C14orf132: variants seen among roughly 807,000 people sequenced by gnomAD.
C14orf132 encodes the protein uncharacterized protein C14orf132.
C14orf132 carries 6 observed loss-of-function variants against 5.8 expected under a neutral mutation model. The ratio of observed to expected loss-of-function variants is 1.03; its 90% CI spans 0.57 to 2.04. The LOEUF (loss-of-function observed/expected upper bound fraction) is 2.04. Among genes scored for constraint, C14orf132 ranks in the 30% most tolerant of loss-of-function variants. The pLI, the probability that C14orf132 is intolerant of heterozygous loss-of-function variation, is 0.00. For missense variants in C14orf132, 125 were observed against 115.8 expected, an observed-to-expected ratio of 1.08 and a Z score of -0.37; for synonymous variants, 51 against 49.8, an observed-to-expected ratio of 1.02 and a Z score of -0.10.
chr14:96,048,121 G>A (rs1477899045), intron 1 of C14orf132, among the ~76,000 whole-genome samples: 1 of 152,206 alleles, frequency 6.6e-6, no homozygotes, highest in African/African-American at 2.4e-5. Flanking sequence ...CTGGGAGGCA[G>A]AGGTTGCATT....
intron 1 of C14orf132, among the ~76,000 whole-genome samples, chr14:96,049,653 T>TATATAG (rs371381526): frequency 0.031 from 2,525 of 82,266 alleles, 399 homozygotes; most frequent in Middle Eastern, 0.061. Flanking sequence ...TATATATATA[T>TATATAG]AGAGAGAGAG....
intron 1 of C14orf132, among the ~76,000 whole-genome samples, chr14:96,071,673 C>T (rs934995369): frequency 6.6e-6 from 1 of 152,200 alleles, no homozygotes; most frequent in African/African-American, 2.4e-5. Flanking sequence ...GTGGACCTAG[C>T]CTGTTGCCAC....
chr14:96,078,752 A>G (rs1269275618), intron 1 of C14orf132, among the ~76,000 whole-genome samples: 1 of 152,120 alleles, frequency 6.6e-6, no homozygotes, highest in East Asian at 1.9e-4. Context: ...CCATCCCTTC[A>G]GGAGGACCTG....
intron 1 of C14orf132, among the ~76,000 whole-genome samples, chr14:96,043,486 G>A (rs1197132705): frequency 6.6e-6 from 1 of 152,118 alleles, no homozygotes; most frequent in Non-Finnish European, 1.5e-5. Context: ...GCACTGTCCC[G>A]TCCCTGCAGT....
chr14:96,062,649 G>T (rs78226450), intron 1 of C14orf132, among the ~76,000 whole-genome samples: 1 of 152,186 alleles, frequency 6.6e-6, no homozygotes, highest in African/African-American at 2.4e-5. Flanking sequence ...TCACATCCTC[G>T]CAATTCCACC....
chr14:96,039,886 C>G lies in C14orf132; in HGVS notation c.27+359C>G, dbSNP rs551826668. Among the ~76,000 whole-genome samples the G allele has an allele frequency of 1.1e-4, 16 of 152,258 alleles. No individual in the cohort carries two copies. The South Asian group carries it at 2.5e-3, about 24-fold the overall frequency. ...CCGGAGCCCTCCAAGGCCGGGCCAG[C>G]TCAGACCCGCGCGAACGTGGATGGG... On this transcript the variant is annotated intron_variant, in intron 1 of 1. Transcript: ENST00000555004. The surrounding 1 kb of genome is among the most constrained non-coding windows in gnomAD (Gnocchi z 5.3).
At chr14:96,082,870 A>G (rs1027561174) in intron 1 of C14orf132, among the ~76,000 whole-genome samples, 44 of 152,318 alleles carry the variant, frequency 2.9e-4, no homozygotes, top group African/African-American at 1.0e-3. Flanking sequence ...CGCTGGTTGG[A>G]CTGCATTCTC....
chr14:96,046,392 C>T (rs1886832138), intron 1 of C14orf132, among the ~76,000 whole-genome samples: 2 of 152,176 alleles, frequency 1.3e-5, no homozygotes, highest in African/African-American at 4.8e-5. Flanking sequence ...GTGTGTAGAG[C>T]TTGGCAAAAC....
rs1260502759 is a variant in C14orf132, at chr14:96,092,665, T to A, written c.*5930T>A. On this transcript the variant is annotated 3_prime_UTR_variant, in exon 2 of 2. Coordinates refer to ENST00000555004, the MANE Select transcript of C14orf132 (RefSeq NM_001252507.3). ...AGAAGGGAGCTTCCAACCTTTTAACTTGAGGAAAATGAATCTCTGAGAGGC... is the reference window on the plus strand; with the variant it reads ...AGAAGGGAGCTTCCAACCTTTTAACATGAGGAAAATGAATCTCTGAGAGGC... 6.6e-6 allele frequency: 1 copy of A among 152,202 alleles called. No homozygotes were observed. The highest frequency in any genetic ancestry group is 2.4e-5 in the African/African-American group (1 of 41,450). The allele number at this position is 152,202 out of a possible 1,614,324, so 9.4% of individuals were successfully genotyped here.
intron 1 of C14orf132, among the ~76,000 whole-genome samples, chr14:96,076,589 TACACTA>T: frequency 6.6e-6 from 1 of 151,360 alleles, no homozygotes; most frequent in Non-Finnish European, 1.5e-5. Flanking sequence ...ACACATGAAA[TACACTA>T]ACACTAATGA....
chr14:96,064,648 G>T (rs1325727169), intron 1 of C14orf132, among the ~76,000 whole-genome samples: 35 of 151,790 alleles, frequency 2.3e-4, no homozygotes, highest in Admixed American at 2.3e-3. Flanking sequence ...GCACAAGAAT[G>T]ATACAATGGA....
In C14orf132 at chr14:96,048,526, T is replaced by C. The variant is rs963511695; in HGVS notation, c.27+8999T>C. ...TTTCTATTTTATTTTTTATTTTTATTTATTTTTTATATTTTTGAGATGGAG... is the reference window on the plus strand; with the variant it reads ...TTTCTATTTTATTTTTTATTTTTATCTATTTTTTATATTTTTGAGATGGAG... On this transcript the variant is annotated intron_variant, in intron 1 of 1. Transcript: ENST00000555004. 7.9e-5 allele frequency among the ~76,000 whole-genome samples: 12 copies of C among 152,300 alleles called. 1 individual carries two copies. Among genetic ancestry groups the C allele is most frequent in the East Asian group, 3.9e-4 (2 of 5,186 alleles).
At position 96,039,902 on chromosome 14, in the gene C14orf132, C is replaced by T. The variant is rs888821481; in HGVS notation, c.27+375C>T. 3.3e-5 allele frequency among the ~76,000 whole-genome samples: 5 copies of T among 152,218 alleles called. No homozygotes were observed. The highest frequency in any genetic ancestry group is 4.1e-4 in the South Asian group (2 of 4,826). On this transcript the variant is annotated intron_variant, in intron 1 of 1. Transcript: ENST00000555004. This position sits in a 1 kb window ranked among gnomAD's most constrained non-coding sequence, Gnocchi z 5.3. ...CCGGGCCAGCTCAGACCCGCGCGAACGTGGATGGGCACACAGTCTCGCCCT... is the reference window on the plus strand; with the variant it reads ...CCGGGCCAGCTCAGACCCGCGCGAATGTGGATGGGCACACAGTCTCGCCCT...
intron 1 of C14orf132, among the ~76,000 whole-genome samples, chr14:96,074,866 G>T (rs201361831): frequency 1.3e-5 from 2 of 150,408 alleles, no homozygotes; most frequent in African/African-American, 2.4e-5. Context: ...CACCAAATTT[G>T]TTTTCTTTTT....
chr14:96,045,091 G>A (rs1886796490), intron 1 of C14orf132, among the ~76,000 whole-genome samples: 1 of 152,134 alleles, frequency 6.6e-6, no homozygotes, highest in Admixed American at 6.5e-5. Context: ...TGTGAAATGG[G>A]GACAAAACTG....
intron 1 of C14orf132, among the ~76,000 whole-genome samples, chr14:96,083,699 A>C (rs1306282182): frequency 2.6e-5 from 4 of 152,234 alleles, no homozygotes; most frequent in Non-Finnish European, 2.9e-5. Context: ...CTCCAGAAGG[A>C]GTGCAGCTCT....
chr14:96,068,269 C>A (rs1357467530), intron 1 of C14orf132, among the ~76,000 whole-genome samples: 4 of 152,172 alleles, frequency 2.6e-5, no homozygotes. Context: ...GATTTGGAGG[C>A]CAGTTCTCTG....
At chr14:96,084,070 A>G (rs2139682714) in intron 1 of C14orf132, among the ~76,000 whole-genome samples, 1 of 152,324 alleles carries the variant, frequency 6.6e-6, no homozygotes, top group African/African-American at 2.4e-5. Context: ...TACTCATCTC[A>G]TTCACATTTG....
intron 1 of C14orf132, among the ~76,000 whole-genome samples, chr14:96,079,385 T>C (rs143329519): frequency 2.0e-5 from 3 of 152,352 alleles, no homozygotes; most frequent in African/African-American, 7.2e-5. Flanking sequence ...CCAACCTGTG[T>C]TGCCTCTTTC....
Sources: gnomAD v4.1 joint callset for allele counts (sites outside exome capture counted in the v4.1 genomes callset) on GRCh38, gnomAD v4.1.1 for gene constraint, Gnocchi (gnomAD v3.1) non-coding constraint, MANE v1.5 for transcripts, NCBI Gene and HGNC (gene_info 2026-07-23, HGNC 2026-07-21) for gene names.